HEPH: variants seen among roughly 807,000 people sequenced by gnomAD.
HEPH encodes the protein hephaestin.
Under a neutral mutation model 80.8 loss-of-function variants are expected in HEPH, and 69 were observed. The ratio of observed to expected loss-of-function variants is 0.85; its 90% CI spans 0.70 to 1.04. The LOEUF (loss-of-function observed/expected upper bound fraction) is 1.04. Among genes scored for constraint, HEPH ranks in the 50% least tolerant of loss-of-function variants. The probability of loss-of-function intolerance (pLI) is 0.00; values close to 1 mark genes in which losing one functional copy is unlikely to be tolerated. For synonymous variants in HEPH, 431 were observed against 322.8 expected (o/e 1.34, Z -3.60); for missense variants, 1,115 against 891.3 (o/e 1.25, Z -3.20).
At chrX:66,252,780 G>A (rs1602534701) in intron 15 of HEPH, among the ~76,000 whole-genome samples, 1 of 112,028 alleles carries the variant, frequency 8.9e-6, no homozygotes, top group African/African-American at 3.2e-5. Flanking sequence ...GAATAGAATT[G>A]AAGATCCAGA....
chrX:66,207,164 G>T, intron 13 of HEPH, 31 bp from the exon 14 acceptor site: 1 of 1,190,694 alleles, frequency 8.4e-7, no homozygotes, highest in Admixed American at 2.2e-5. Context: ...TTGATGGCCA[G>T]GTGCTGATAG....
intron 15 of HEPH, among the ~76,000 whole-genome samples, chrX:66,227,524 C>T (rs1254791197): frequency 9.0e-6 from 1 of 111,561 alleles, no homozygotes; most frequent in Non-Finnish European, 1.9e-5. Context: ...CCTACAAAAC[C>T]CTAAAGACAC....
Position 66,208,177 on chromosome X carries a change from C to T in HEPH, c.2494C>T (p.Arg832Cys), listed in dbSNP as rs781140619. 27 of 1,202,822 alleles carry T rather than the reference C, an allele frequency of 2.2e-5. No homozygotes were observed. Among genetic ancestry groups the T allele is most frequent in the Non-Finnish European group, 2.7e-5 (24 of 889,776 alleles). Residue 832 changes from arginine to cysteine, a missense_variant, in exon 15 of 21, where the codon CGC (arginine) becomes TGC (cysteine). Physicochemically the swap from Arg to Cys is radical, Grantham distance 180. Around this residue, in one of 3 missense-constraint regions of HEPH, gnomAD observed 716 missense variants for 523.5 expected, o/e 1.37. Transcript: ENST00000343002. ...LTVVFKNNASRPYSVHAHGVL... is the reference protein window; with the variant it reads ...LTVVFKNNASCPYSVHAHGVL... The stretch of plus-strand genomic sequence containing the variant: ...TGTGGTATTCAAGAATAATGCCAGC[C>T]GCCCCTACTCTGTGCATGCTCATGG...
intron 15 of HEPH, among the ~76,000 whole-genome samples, chrX:66,229,007 G>C (rs1001466655): frequency 5.3e-5 from 6 of 112,443 alleles, no homozygotes; most frequent in African/African-American, 1.6e-4. Context: ...ACTACCATTT[G>C]ATCCAGCAAT....
chrX:66,263,496 T>G, intron 19 of HEPH, 148 bp from the exon 20 acceptor site: 1 of 524,435 alleles, frequency 1.9e-6, no homozygotes, highest in Non-Finnish European at 3.2e-6. Context: ...AATATTGACT[T>G]GGACTATAAA....
chrX:66,266,704 A>G lies in HEPH; in HGVS notation c.*32A>G. 2 of 1,047,173 alleles carry G rather than the reference A, an allele frequency of 1.9e-6. No homozygotes were observed. Among genetic ancestry groups the G allele is most frequent in the Non-Finnish European group, 2.7e-6 (2 of 752,197 alleles). 86.3% of individuals were successfully genotyped at this position (1,047,173 alleles called of 1,213,427 possible). On this transcript the variant is annotated 3_prime_UTR_variant, in exon 21 of 21. Transcript: ENST00000343002. ...GAGCCTGGAGATATCCTCAGGAAGC[A>G]CATCTGTAGTGCACTCCCAGCAGGC...
At chrX:66,165,150 G>A in intron 1 of HEPH, among the ~76,000 whole-genome samples, 1 of 111,591 alleles carries the variant, frequency 9.0e-6, no homozygotes, top group Non-Finnish European at 1.9e-5. Context: ...TATATGACAA[G>A]CAATCCTTTT....
chrX:66,235,989 C>T lies in HEPH; in HGVS notation c.2564-19046C>T, dbSNP rs191375842. Among the ~76,000 whole-genome samples the T allele has an allele frequency of 2.1e-3, 235 of 112,185 alleles. 1 individual carries two copies. The highest frequency in any genetic ancestry group is 7.1e-3 in the African/African-American group (220 of 30,932). The stretch of plus-strand genomic sequence containing the variant: ...CTGAGACTTTGCTGAAGTTGCTTAT[C>T]AGCTTAAGAGCTTTTGGGCTGACAC... On this transcript the variant is annotated intron_variant, in intron 15 of 20. Coordinates refer to ENST00000343002, the MANE Select transcript of HEPH (RefSeq NM_001367233.3).
At chrX:66,235,439 T>A (rs1056014300) in intron 15 of HEPH, among the ~76,000 whole-genome samples, 2 of 110,565 alleles carry the variant, frequency 1.8e-5, no homozygotes, top group African/African-American at 6.7e-5. Flanking sequence ...CCTAGCACCA[T>A]TTATTCAATT....
intron 15 of HEPH, among the ~76,000 whole-genome samples, chrX:66,235,477 G>C (rs1451346692): frequency 1.1e-5 from 1 of 95,161 alleles, no homozygotes; most frequent in Non-Finnish European, 2.0e-5. Context: ...CCCACTGCCT[G>C]TTTCATTTTT....
At chrX:66,223,665 T>G (rs2089751435) in intron 15 of HEPH, among the ~76,000 whole-genome samples, 2 of 112,091 alleles carry the variant, frequency 1.8e-5, no homozygotes, top group African/African-American at 6.5e-5. Flanking sequence ...TAACATTAGC[T>G]AATATGTTTA....
At chrX:66,218,267 A>T (rs1016291087) in intron 15 of HEPH, among the ~76,000 whole-genome samples, 1 of 112,080 alleles carries the variant, frequency 8.9e-6, no homozygotes, top group African/African-American at 3.2e-5. Context: ...TCCAAGATAG[A>T]CTATATGATA....
intron 15 of HEPH, among the ~76,000 whole-genome samples, chrX:66,247,794 A>G (rs1415053090): frequency 8.9e-6 from 1 of 111,797 alleles, no homozygotes; most frequent in East Asian, 2.8e-4. Flanking sequence ...ATGTGTGACT[A>G]AGGAAGGTTT....
chrX:66,230,606 C>T (rs1374394709), intron 15 of HEPH, among the ~76,000 whole-genome samples: 2 of 98,509 alleles, frequency 2.0e-5, no homozygotes, highest in Admixed American at 2.2e-4. Context: ...GTCCTTCGCC[C>T]ACTTTTTGAT....
At chrX:66,227,941 G>A (rs1470367989) in intron 15 of HEPH, among the ~76,000 whole-genome samples, 2 of 110,751 alleles carry the variant, frequency 1.8e-5, no homozygotes, top group African/African-American at 3.3e-5. Context: ...GAATAATGTT[G>A]GTATTTTGAT....
At chrX:66,230,304 C>A (rs2090073707) in intron 15 of HEPH, among the ~76,000 whole-genome samples, 1 of 96,858 alleles carries the variant, frequency 1.0e-5, no homozygotes, top group Non-Finnish European at 2.0e-5. Flanking sequence ...AATGGGATGG[C>A]TGGGTCAAAT....
chrX:66,240,776 A>G (rs1317857444), intron 15 of HEPH, among the ~76,000 whole-genome samples: 1 of 112,445 alleles, frequency 8.9e-6, no homozygotes, highest in Non-Finnish European at 1.9e-5. Flanking sequence ...CATTTTCAGA[A>G]AGAAAAGTCT....
chrX:66,200,459 A>G, intron 11 of HEPH, 81 bp from the exon 12 acceptor site: 2 of 791,075 alleles, frequency 2.5e-6, no homozygotes, highest in Non-Finnish European at 3.7e-6. Context: ...ACCATAGTAC[A>G]TAGCTGATGC....
chrX:66,208,289 C>T (rs757022722), intron 15 of HEPH, 43 bp downstream of exon 15: 12 of 1,154,137 alleles, frequency 1.0e-5, no homozygotes, highest in Admixed American at 2.4e-5. Flanking sequence ...ACATGCATCA[C>T]GTCTGCTTCA....
Sources: gnomAD v4.1 joint callset for allele counts (sites outside exome capture counted in the v4.1 genomes callset) on GRCh38, gnomAD v4.1.1 for gene constraint, gnomAD v4.1.1 regional missense constraint, MANE v1.5 for transcripts, NCBI Gene and HGNC (gene_info 2026-07-23, HGNC 2026-07-21) for gene names.